TRPM3: variants seen among roughly 807,000 people sequenced by gnomAD.
TRPM3 encodes transient receptor potential cation channel subfamily M member 3, also known as long transient receptor potential channel 3.
In TRPM3, 77 loss-of-function variants were observed where a neutral mutation model predicts 181.2. The observed-to-expected ratio is 0.42, with a 90% confidence interval of 0.35 to 0.51. TRPM3 has a LOEUF of 0.51. Ranked by LOEUF, TRPM3 falls within the 20% of genes least tolerant of loss-of-function variation. The pLI, the probability that TRPM3 is intolerant of heterozygous loss-of-function variation, is 0.01. For synonymous variants in TRPM3, 745 were observed against 796.4 expected, an observed-to-expected ratio of 0.94 and a Z score of 1.09; for missense variants, 1,759 against 2,196.7, an observed-to-expected ratio of 0.80 and a Z score of 3.98.
intron 22 of TRPM3, among the ~76,000 whole-genome samples, chr9:70,585,141 G>C (rs1196734266): frequency 6.6e-6 from 1 of 152,140 alleles, no homozygotes; most frequent in Non-Finnish European, 1.5e-5. Context: ...GCTTTGTCCT[G>C]TTGCTGATTT....
intron 1 of TRPM3, among the ~76,000 whole-genome samples, chr9:71,102,703 G>T (rs935237499): frequency 7.9e-5 from 12 of 151,812 alleles, no homozygotes; most frequent in Non-Finnish European, 1.8e-4. Flanking sequence ...AAAATTAGTT[G>T]TTTCACACAC....
intron 1 of TRPM3, among the ~76,000 whole-genome samples, chr9:70,968,576 G>A (rs909251320): frequency 6.6e-6 from 1 of 152,128 alleles, no homozygotes. Context: ...TTTTAAAAGT[G>A]ATCCAGGTCA....
At chr9:70,988,495 T>C (rs1454350618) in intron 1 of TRPM3, among the ~76,000 whole-genome samples, 1 of 152,216 alleles carries the variant, frequency 6.6e-6, no homozygotes, top group Non-Finnish European at 1.5e-5. Flanking sequence ...ACCCTGACTA[T>C]GCTAGGTGAG....
At chr9:70,654,713 C>T (rs1231747833) in intron 9 of TRPM3, among the ~76,000 whole-genome samples, 4 of 148,086 alleles carry the variant, frequency 2.7e-5, no homozygotes, top group South Asian at 2.1e-4. Flanking sequence ...GGTGGAGTCT[C>T]GCTCTGTCAC....
At chr9:71,388,662 C>T (rs1479353316) in intron 1 of TRPM3, among the ~76,000 whole-genome samples, 1 of 152,110 alleles carries the variant, frequency 6.6e-6, no homozygotes, top group Non-Finnish European at 1.5e-5. Context: ...CATTCACTAG[C>T]CTCTCAATTC....
intron 1 of TRPM3, among the ~76,000 whole-genome samples, chr9:71,195,545 G>C (rs989901148): frequency 2.0e-5 from 3 of 152,112 alleles, no homozygotes; most frequent in African/African-American, 7.2e-5. Context: ...GGAATGTAGA[G>C]TGGAGATTCC....
chr9:70,792,970 T>C lies in TRPM3; in HGVS notation c.974-8691A>G, dbSNP rs565522825. Among the ~76,000 whole-genome samples the C allele has an allele frequency of 1.7e-4, 26 of 152,308 alleles. No homozygotes were observed. In the South Asian group the frequency reaches 2.7e-3, roughly 16 times the overall value. ...ATGTTTTAAAATACAGGCTTACTAA[T>C]AAAAATGGAATTTTTGTATAAATGC... On this transcript the variant is annotated intron_variant, in intron 6 of 25. Transcript: ENST00000677713.
intron 1 of TRPM3, among the ~76,000 whole-genome samples, chr9:71,445,632 T>C (rs1589056469): frequency 6.6e-6 from 1 of 152,372 alleles, no homozygotes; most frequent in Middle Eastern, 3.4e-3. Context: ...GATTAATTTT[T>C]ATCCTTCAAT....
intron 1 of TRPM3, among the ~76,000 whole-genome samples, chr9:71,168,629 T>C (rs1373968687): frequency 2.7e-5 from 4 of 146,256 alleles, no homozygotes; most frequent in African/African-American, 9.9e-5. Flanking sequence ...TATTATTTTT[T>C]TATTATTTTT....
intron 22 of TRPM3, among the ~76,000 whole-genome samples, chr9:70,588,982 T>C (rs995537548): frequency 1.3e-5 from 2 of 152,190 alleles, no homozygotes; most frequent in African/African-American, 2.4e-5. Context: ...GTGGCTACCA[T>C]TGTAGCTCTT....
chr9:70,859,095 T>C (rs982731389), intron 3 of TRPM3, among the ~76,000 whole-genome samples: 1 of 152,196 alleles, frequency 6.6e-6, no homozygotes, highest in Non-Finnish European at 1.5e-5. Flanking sequence ...GGCAATCCCA[T>C]GGCAGGGGTC....
intron 1 of TRPM3, among the ~76,000 whole-genome samples, chr9:71,003,904 G>T (rs1451762326): frequency 1.3e-5 from 2 of 152,134 alleles, no homozygotes; most frequent in Non-Finnish European, 2.9e-5. Flanking sequence ...GGTCATTTTA[G>T]ACTGTGCCAC....
Position 71,309,362 on chromosome 9 carries a change from T to C in TRPM3, c.183+137291A>G, listed in dbSNP as rs957406732. On this transcript the variant is annotated intron_variant, in intron 1 of 24. Coordinates refer to the TRPM3 transcript ENST00000357533. ...CAAACTAACATAATATAGTAGCATGTCTAATATTTTTTCCAGAAGGATACC... is the reference window on the plus strand; with the variant it reads ...CAAACTAACATAATATAGTAGCATGCCTAATATTTTTTCCAGAAGGATACC... 3.9e-5 allele frequency among the ~76,000 whole-genome samples: 6 copies of C among 152,158 alleles called. 1 individual carries two copies. Among genetic ancestry groups the C allele is most frequent in the Admixed American group, 3.3e-4 (5 of 15,260 alleles).
intron 9 of TRPM3, among the ~76,000 whole-genome samples, chr9:70,661,118 A>C (rs1316829812): frequency 2.1e-5 from 3 of 141,104 alleles, no homozygotes; most frequent in Non-Finnish European, 4.6e-5. Flanking sequence ...GGAATGCAGG[A>C]ATGGTTTAAC....
At chr9:70,701,682 G>C (rs2072627713) in intron 8 of TRPM3, among the ~76,000 whole-genome samples, 1 of 152,030 alleles carries the variant, frequency 6.6e-6, no homozygotes, top group South Asian at 2.1e-4. Context: ...ATTTTTATTT[G>C]ATCTCTTTCT....
chr9:71,134,634 C>T (rs919170008), intron 1 of TRPM3, among the ~76,000 whole-genome samples: 16 of 152,188 alleles, frequency 1.1e-4, no homozygotes, highest in African/African-American at 3.4e-4. Context: ...CTTCAAATCC[C>T]TGTCACCTTA....
In TRPM3 at chr9:71,332,179, A is replaced by ATTTT. The variant is rs2090240912; in HGVS notation, c.183+114470_183+114473dup. 1.3e-5 allele frequency among the ~76,000 whole-genome samples: 2 copies of ATTTT among 151,814 alleles called. 1 individual carries two copies. Among genetic ancestry groups the ATTTT allele is most frequent in the Non-Finnish European group, 2.9e-5 (2 of 67,944 alleles). On this transcript the variant is annotated intron_variant, in intron 1 of 24. Transcript: ENST00000357533. ...ACTAAGTATATTCAAATCTTGGATG[A>ATTTT]TTTTAAAATATACTTTAGAATTTTG...
At chr9:70,985,931 T>G (rs2097417018) in intron 1 of TRPM3, among the ~76,000 whole-genome samples, 1 of 152,122 alleles carries the variant, frequency 6.6e-6, no homozygotes, top group Admixed American at 6.5e-5. Context: ...TCAACAAAAA[T>G]TCAGTCTGCT....
chr9:71,396,172 G>C (rs1181518869), intron 1 of TRPM3, among the ~76,000 whole-genome samples: 1 of 152,080 alleles, frequency 6.6e-6, no homozygotes, highest in Non-Finnish European at 1.5e-5. Flanking sequence ...GTGATATTTA[G>C]AAGTTATCAC....
Sources: gnomAD v4.1 joint callset for allele counts (sites outside exome capture counted in the v4.1 genomes callset) on GRCh38, gnomAD v4.1.1 for gene constraint, MANE v1.5 for transcripts, NCBI Gene and HGNC (gene_info 2026-07-23, HGNC 2026-07-21) for gene names.